The following ARHGAP15 variants were observed in gnomAD, a reference collection of about 807,000 sequenced individuals.
The protein encoded by ARHGAP15 is rho GTPase-activating protein 15.
ARHGAP15 carries 51 observed loss-of-function variants against 63.7 expected under a neutral mutation model. That is an observed-to-expected ratio of 0.80 (90% confidence interval 0.64 to 1.01). The LOEUF is 1.01. Ranked by LOEUF, ARHGAP15 falls within the 50% of genes least tolerant of loss-of-function variation. The pLI is 0.00. For missense variants in ARHGAP15, 560 were observed against 564.6 expected (o/e 0.99, Z 0.08); for synonymous variants, 191 against 193.8 (o/e 0.99, Z 0.12).
rs561576929 is a variant in ARHGAP15 at position 143,213,036 on chromosome 2, C to A, written c.235-3348C>A. ...AGCAGGGCATGGTATCCCGTCCCCC[C>A]AGAAAAGGAGCAGGAATATCTTGAA... On this transcript the variant is annotated intron_variant, in intron 3 of 13. Transcript: ENST00000295095. Among the ~76,000 whole-genome samples, 28 of 152,268 alleles carry A rather than the reference C, an allele frequency of 1.8e-4. No individual in the cohort carries two copies. The South Asian group carries it at 3.1e-3, about 17-fold the overall frequency.
At chr2:143,140,641 T>C (rs1001504462) in intron 1 of ARHGAP15, among the ~76,000 whole-genome samples, 8 of 152,168 alleles carry the variant, frequency 5.3e-5, no homozygotes, top group African/African-American at 1.7e-4. Flanking sequence ...CCTGAGAGTA[T>C]AGATTGCTAA....
intron 4 of ARHGAP15, among the ~76,000 whole-genome samples, chr2:143,216,727 T>G (rs1053466543): frequency 1.3e-5 from 2 of 152,236 alleles, no homozygotes; most frequent in Non-Finnish European, 2.9e-5. Flanking sequence ...TGGATTGTGA[T>G]TTCTGTGATT....
chr2:143,428,818 G>A (rs889087017), intron 6 of ARHGAP15, among the ~76,000 whole-genome samples: 10 of 152,060 alleles, frequency 6.6e-5, no homozygotes, highest in African/African-American at 2.4e-4. Context: ...AACAATGGGG[G>A]CAGCAGATTC....
intron 6 of ARHGAP15, among the ~76,000 whole-genome samples, chr2:143,368,453 A>C (rs545610515): frequency 1.3e-5 from 2 of 152,200 alleles, no homozygotes; most frequent in South Asian, 4.1e-4. Context: ...CATATCTTTT[A>C]CTAAGACATT....
At chr2:143,750,680 G>T (rs367741486) in intron 13 of ARHGAP15, among the ~76,000 whole-genome samples, 2 of 152,180 alleles carry the variant, frequency 1.3e-5, no homozygotes, top group African/African-American at 2.4e-5. Context: ...AGTTAGAAGA[G>T]AATCACATGC....
At chr2:143,208,217 A>T (rs978183417) in intron 3 of ARHGAP15, among the ~76,000 whole-genome samples, 2 of 152,316 alleles carry the variant, frequency 1.3e-5, no homozygotes, top group Admixed American at 6.5e-5. Flanking sequence ...TATATCTCAT[A>T]TTGAGATAAC....
At chr2:143,474,544 T>C (rs75094557) in intron 8 of ARHGAP15, among the ~76,000 whole-genome samples, 8,943 of 152,276 alleles carry the variant, frequency 0.059, 455 homozygotes, top group East Asian at 0.22. Context: ...AACATTCTTC[T>C]GGATTTAGGA....
intron 11 of ARHGAP15, among the ~76,000 whole-genome samples, chr2:143,592,963 G>T (rs929225245): frequency 6.6e-6 from 1 of 152,148 alleles, no homozygotes; most frequent in Non-Finnish European, 1.5e-5. Flanking sequence ...GTTGTTCAAG[G>T]TTCCATAAAG....
intron 6 of ARHGAP15, among the ~76,000 whole-genome samples, chr2:143,256,422 T>A (rs768112660): frequency 6.6e-6 from 1 of 152,100 alleles, no homozygotes; most frequent in Admixed American, 6.6e-5. Context: ...AGAATATAGA[T>A]CCTTAATCTT....
chr2:143,296,481 A>C (rs1238369677), intron 6 of ARHGAP15, among the ~76,000 whole-genome samples: 1 of 152,002 alleles, frequency 6.6e-6, no homozygotes, highest in Non-Finnish European at 1.5e-5. Flanking sequence ...GCTTCTGTGC[A>C]CTTGCACCCT....
intron 8 of ARHGAP15, among the ~76,000 whole-genome samples, chr2:143,468,657 A>AGT (rs1168938797): frequency 0.016 from 1,965 of 122,186 alleles, 46 homozygotes; most frequent in African/African-American, 0.058. Context: ...AGAGAGAGAG[A>AGT]GAGAGAGTGT....
intron 5 of ARHGAP15, among the ~76,000 whole-genome samples, chr2:143,242,316 G>A (rs893896773): frequency 5.3e-5 from 8 of 152,246 alleles, no homozygotes; most frequent in African/African-American, 1.9e-4. Flanking sequence ...AGGGACAGCT[G>A]AGGTTGACTG....
intron 13 of ARHGAP15, among the ~76,000 whole-genome samples, chr2:143,757,107 A>G (rs567781954): frequency 2.0e-5 from 3 of 152,112 alleles, no homozygotes; most frequent in Non-Finnish European, 4.4e-5. Context: ...GAAAAAGTTC[A>G]CCTGAAAATT....
At chr2:143,394,031 CT>C (rs1273626657) in intron 6 of ARHGAP15, among the ~76,000 whole-genome samples, 1 of 152,128 alleles carries the variant, frequency 6.6e-6, no homozygotes, top group African/African-American at 2.4e-5. Context: ...AAGTGTTTTT[CT>C]AAAAACTCCA....
At chr2:143,728,795 C>T (rs554320725) in intron 13 of ARHGAP15, among the ~76,000 whole-genome samples, 3 of 152,316 alleles carry the variant, frequency 2.0e-5, no homozygotes, top group African/African-American at 7.2e-5. Flanking sequence ...CCATTACTGC[C>T]GCCCTCCATT....
At chr2:143,328,372 A>G (rs929940689) in intron 6 of ARHGAP15, among the ~76,000 whole-genome samples, 3 of 152,254 alleles carry the variant, frequency 2.0e-5, no homozygotes, top group Admixed American at 6.5e-5. Context: ...TGGATAAAGA[A>G]AATGTGGCAC....
Position 143,153,871 on chromosome 2 carries a change from TCTTCCTCC to T in ARHGAP15, c.-14-1605_-14-1598del, listed in dbSNP as rs1558779816. On this transcript the variant is annotated intron_variant, in intron 1 of 13. Coordinates refer to ENST00000295095, the MANE Select transcript of ARHGAP15 (RefSeq NM_018460.4). ...CTCCTCCTCCTCCTCCTCCTCCTCC[TCTTCCTCC>T]TCCTCCTCCTCCTCCTCCTCCTATT... Among the ~76,000 whole-genome samples the T allele has an allele frequency of 3.4e-3, 283 of 82,968 alleles. 5 individuals carry two copies. The highest frequency in any genetic ancestry group is 9.2e-3 in the African/African-American group (271 of 29,322). The allele number at this position is 82,968 out of a possible 152,430, so 54.4% of individuals were successfully genotyped here.
intron 10 of ARHGAP15, among the ~76,000 whole-genome samples, chr2:143,527,165 T>C (rs939176264): frequency 5.9e-5 from 9 of 152,070 alleles, no homozygotes; most frequent in Non-Finnish European, 1.3e-4. Context: ...GTATACTCAA[T>C]TTAAGCATTA....
chr2:143,714,006 C>T (rs1684700436), intron 13 of ARHGAP15, among the ~76,000 whole-genome samples: 1 of 152,170 alleles, frequency 6.6e-6, no homozygotes, highest in South Asian at 2.1e-4. Context: ...GCCCTCTTTT[C>T]TCATAGCTCT....
Sources: allele counts gnomAD v4.1 joint callset (sites outside exome capture counted in the v4.1 genomes callset), GRCh38; gene constraint gnomAD v4.1.1; transcripts MANE v1.5; gene names NCBI Gene and HGNC (gene_info 2026-07-23, HGNC 2026-07-21).